Variants in PCF11 observed in about 807,000 individuals in gnomAD.
PCF11 encodes the protein PCF11 cleavage and polyadenylation factor subunit, also known as pre-mRNA cleavage complex 2 protein Pcf11.
In PCF11, 19 loss-of-function variants were observed where a neutral mutation model predicts 166.1. The ratio of observed to expected loss-of-function variants is 0.11; its 90% CI spans 0.08 to 0.17. The LOEUF (loss-of-function observed/expected upper bound fraction) is 0.17. Ranked by LOEUF, PCF11 falls within the 10% of genes least tolerant of loss-of-function variation. PCF11 has a pLI of 1.00. For missense variants in PCF11, 1,565 were observed against 1,855.5 expected (o/e 0.84, Z 2.88); for synonymous variants, 663 against 644.1 (o/e 1.03, Z -0.44).
intron 11 of PCF11, 48 bp from the exon 12 acceptor site, chr11:83,180,960 C>T (rs376517199): frequency 3.7e-6 from 4 of 1,085,218 alleles, no homozygotes; most frequent in African/African-American, 1.6e-5. Context: ...TTTTAAAGGC[C>T]ATTAAGCCAT....
rs565488970 is a variant in PCF11, at chr11:83,164,280, T to C, written c.581T>C (p.Ile194Thr). ...TCCACTCCTCCAATTGTTCCTGATA[T>C]ACAAAAGAATCTTACACAAGAACAA... Residue 194 changes from isoleucine to threonine, a missense_variant, in exon 4 of 16, where the codon ATA (isoleucine) becomes ACA (threonine). Ile to Thr is a moderately conservative substitution (Grantham distance 89). Transcript: ENST00000298281. 12 of 1,613,622 alleles carry C rather than the reference T, an allele frequency of 7.4e-6. No homozygotes were observed. The highest frequency in any genetic ancestry group is 3.3e-5 in the Admixed American group (2 of 59,994).
At chr11:83,165,796 A>G (rs781098566) in exon 5 of PCF11, 1 of 1,612,336 alleles carries the variant, frequency 6.2e-7, no homozygotes, top group African/African-American at 1.3e-5. Context: ...CCTCGTCTGA[A>G]CAGGATAAGC....
At chr11:83,164,886 A>G (rs1860392029) in intron 4 of PCF11, among the ~76,000 whole-genome samples, 1 of 152,194 alleles carries the variant, frequency 6.6e-6, no homozygotes, top group South Asian at 2.1e-4. Flanking sequence ...AAAAACTACA[A>G]AACTACACTA....
chr11:83,167,156 C>G lies in PCF11; in HGVS notation c.1849C>G (p.Pro617Ala). ...ACAGGTTGATGAACATAGTAAACCT[C>G]CTCATCTGAGGCATAGGGAGAGCTG... The change falls in exon 6 of 16, where the codon CCT (proline) becomes GCT (alanine). Residue 617 changes from proline (P) to alanine (A), a missense_variant. Coordinates refer to ENST00000298281, the Ensembl canonical transcript of PCF11. This position sits in a 1 kb window ranked among gnomAD's most constrained non-coding sequence, Gnocchi z 4.2. 6.2e-7 allele frequency: 1 copy of G among 1,613,316 alleles called. No individual in the cohort carries two copies. The highest frequency in any genetic ancestry group is 8.5e-7 in the Non-Finnish European group (1 of 1,179,458).
At chr11:83,174,358 T>C (rs1240948503) in intron 9 of PCF11, among the ~76,000 whole-genome samples, 2 of 151,168 alleles carry the variant, frequency 1.3e-5, no homozygotes, top group Admixed American at 6.6e-5. Context: ...AGGTTCATCC[T>C]TCAAAGACCT....
chr11:83,184,499 G>A (rs1262038206), intron 15 of PCF11, 180 bp from the exon 16 acceptor site: 7 of 585,964 alleles, frequency 1.2e-5, no homozygotes, highest in Non-Finnish European at 2.1e-5. Flanking sequence ...TATTGAACGT[G>A]CAATATATAT....
chr11:83,159,652 A>AT (rs1404917235), intron 1 of PCF11, among the ~76,000 whole-genome samples: 1 of 152,204 alleles, frequency 6.6e-6, no homozygotes, highest in Non-Finnish European at 1.5e-5. Flanking sequence ...TGAGGAAAAG[A>AT]TGTAAAAGTC....
At position 83,167,138 on chromosome 11, in the gene PCF11, G is replaced by T; in HGVS notation, c.1831G>T (p.Asp611Tyr). Residue 611 changes from aspartate to tyrosine, a missense_variant, in exon 6 of 16, where the codon GAT (aspartate) becomes TAT (tyrosine). Asp to Tyr is a radical substitution (Grantham distance 160). Around this residue, in one of 12 missense-constraint regions of PCF11, gnomAD observed 468 missense variants for 483.4 expected, o/e 0.97. Transcript: ENST00000298281. The surrounding 1 kb of genome is among the most constrained non-coding windows in gnomAD (Gnocchi z 4.2). Reference sequence around the variant, plus strand: ...TTATGGTTTCAGCTTACAACAGGTTGATGAACATAGTAAACCTCCTCATCT... The same window carrying T: ...TTATGGTTTCAGCTTACAACAGGTTTATGAACATAGTAAACCTCCTCATCT... 6.2e-7 allele frequency: 1 copy of T among 1,612,216 alleles called. No homozygotes were observed. The highest frequency in any genetic ancestry group is 8.5e-7 in the Non-Finnish European group (1 of 1,178,906).
chr11:83,164,302 A>G (rs371118350), exon 4 of PCF11: 9 of 1,613,658 alleles, frequency 5.6e-6, no homozygotes, highest in Non-Finnish European at 7.6e-6. Flanking sequence ...TTACACAAGA[A>G]CAACTAATAA....
At chr11:83,183,157 A>G (rs1489894622) in intron 15 of PCF11, 84 bp downstream of exon 15, 1 of 759,166 alleles carries the variant, frequency 1.3e-6, no homozygotes, top group East Asian at 2.9e-5. Flanking sequence ...TCAGAGCAAT[A>G]TTGTTATTTT....
chr11:83,177,233 A>T (rs1860917754), intron 10 of PCF11, 29 bp downstream of exon 10: 4 of 1,494,190 alleles, frequency 2.7e-6, no homozygotes, highest in African/African-American at 2.8e-5. Flanking sequence ...TTAAATTTAC[A>T]CAAAGCTTCA....
At chr11:83,158,468 A>T (rs762352526) in intron 1 of PCF11, 1 of 152,152 alleles carries the variant, frequency 6.6e-6, no homozygotes, top group Non-Finnish European at 1.5e-5. Context: ...CTTCCCTGAT[A>T]GCGAAGGAGT....
In PCF11 at chr11:83,157,890, GAC is replaced by G. The variant is rs548269719; in HGVS notation, c.192+268_192+269del. 799 of 514,158 alleles carry G rather than the reference GAC, an allele frequency of 1.6e-3. 3 individuals carry two copies. Among genetic ancestry groups the G allele is most frequent in the Middle Eastern group, 3.1e-3 (6 of 1,966 alleles). The allele number at this position is 514,158 out of a possible 1,614,324, so 31.8% of individuals were successfully genotyped here. A position where few individuals can be genotyped will look rare whatever the true frequency, so the allele number is the denominator to read the frequency against. On this transcript the variant is annotated intron_variant, in intron 1 of 15. Transcript: ENST00000298281. Reference sequence around the variant, plus strand: ...TTTAGGCCACCGCATTGTATATCCCGACACACACACGCTTTGAATAGAGCCCT... The same window carrying G: ...TTTAGGCCACCGCATTGTATATCCCGACACACACGCTTTGAATAGAGCCCT...
rs17144735 is a variant in PCF11, at chr11:83,181,167, T to C, written c.4143T>C (p.His1381=). 3.9e-3 allele frequency: 6,212 copies of C among 1,610,768 alleles called. 198 individuals carry two copies. The African/African-American group carries it at 0.071, about 18-fold the overall frequency. Residue 1381 remains histidine, a synonymous_variant, in exon 12 of 16, where the codon CAT becomes CAC. Transcript: ENST00000298281. The stretch of plus-strand genomic sequence containing the variant: ...AGGATGTTAGCCGAAAAGTCACTCA[T>C]AGACGTTGGTACTACAGTTTAACAG...
At position 83,177,829 on chromosome 11, in the gene PCF11, C is replaced by G; in HGVS notation, c.3983+10C>G. 1 of 1,334,198 alleles carries G rather than the reference C, an allele frequency of 7.5e-7. No individual in the cohort carries two copies. The highest frequency in any genetic ancestry group is 2.6e-5 in the East Asian group (1 of 38,916). The allele number at this position is 1,334,198 out of a possible 1,614,324, so 82.6% of individuals were successfully genotyped here. A position where few individuals can be genotyped will look rare whatever the true frequency, so the allele number is the denominator to read the frequency against. ...TTGAAGAATTGAAACAGTATGTAAT[C>G]TAATTTTCTTTAAGATAAAGAGGCA... On this transcript the variant is annotated intron_variant, in intron 11 of 15. Transcript: ENST00000298281.
At chr11:83,185,723 G>C (rs565004557) in exon 16 of PCF11, 2 of 152,530 alleles carry the variant, frequency 1.3e-5, no homozygotes, top group South Asian at 4.2e-4. Flanking sequence ...TTTTTCTTTT[G>C]TTGGTTTTGA....
chr11:83,171,839 C>T (rs1335842598), exon 9 of PCF11: 1 of 1,595,834 alleles, frequency 6.3e-7, no homozygotes, highest in African/African-American at 1.3e-5. Flanking sequence ...TGTTGCTCAG[C>T]CAGTAGCTTT....
At position 83,180,920 on chromosome 11, in the gene PCF11, G is replaced by A. The variant is rs1861064586; in HGVS notation, c.3984-88G>A. 4 of 674,150 alleles carry A rather than the reference G, an allele frequency of 5.9e-6. No individual in the cohort carries two copies. In the East Asian group the frequency reaches 1.1e-4, roughly 19 times the overall value. 41.8% of individuals were successfully genotyped at this position (674,150 alleles called of 1,614,324 possible). A position where few individuals can be genotyped will look rare whatever the true frequency, so the allele number is the denominator to read the frequency against. On this transcript the variant is annotated intron_variant, in intron 11 of 15. Coordinates refer to ENST00000298281, the Ensembl canonical transcript of PCF11. The stretch of plus-strand genomic sequence containing the variant: ...AGCTCTTGGTTTCACCATTGTTACA[G>A]TATGGAAAATTGAAATATTTGTAAT...
At chr11:83,184,812 A>C in exon 16 of PCF11, 1 of 1,607,130 alleles carries the variant, frequency 6.2e-7, no homozygotes, top group Non-Finnish European at 8.5e-7. Context: ...GAACGAATTG[A>C]TACACCACCA....
Sources: gnomAD v4.1 joint callset for allele counts (sites outside exome capture counted in the v4.1 genomes callset) on GRCh38, gnomAD v4.1.1 for gene constraint, gnomAD v4.1.1 regional missense constraint, Gnocchi (gnomAD v3.1) non-coding constraint, MANE v1.5 for transcripts, NCBI Gene and HGNC (gene_info 2026-07-23, HGNC 2026-07-21) for gene names.